The following MED13L variants were observed in gnomAD, a reference collection of about 807,000 sequenced individuals.
MED13L encodes the protein mediator of RNA polymerase II transcription subunit 13-like.
Under a neutral mutation model 220.9 loss-of-function variants are expected in MED13L, and 7 were observed. That is an observed-to-expected ratio of 0.03 (90% CI 0.02 to 0.06). The LOEUF (loss-of-function observed/expected upper bound fraction) is 0.06. Among genes scored for constraint, MED13L ranks in the 10% least tolerant of loss-of-function variants. MED13L has a pLI of 1.00. For missense variants in MED13L, 1,965 were observed against 2,760.5 expected, an observed-to-expected ratio of 0.71 and a Z score of 6.46; for synonymous variants, 1,011 against 1,015.2, an observed-to-expected ratio of 1.00 and a Z score of 0.08.
intron 4 of MED13L, among the ~76,000 whole-genome samples, chr12:116,055,279 A>G (rs1190002759): frequency 6.6e-6 from 1 of 152,242 alleles, no homozygotes; most frequent in African/African-American, 2.4e-5. Context: ...CTAAACACTT[A>G]TGATGTACAA....
intron 1 of MED13L, among the ~76,000 whole-genome samples, chr12:116,245,775 T>C (rs1358854336): frequency 6.6e-6 from 1 of 151,692 alleles, no homozygotes; most frequent in Admixed American, 6.6e-5. Context: ...AAGCTGAAAA[T>C]CCAAATACGA....
chr12:116,042,797 G>C (rs1237450329), intron 4 of MED13L, among the ~76,000 whole-genome samples: 1 of 152,176 alleles, frequency 6.6e-6, no homozygotes, highest in African/African-American at 2.4e-5. Flanking sequence ...TCTGACTGAA[G>C]TATTAGCCTA....
rs1472249993 is a variant in MED13L at position 116,022,559 on chromosome 12, T to C, written c.522A>G (p.Glu174=). The C allele has an allele frequency of 6.2e-7, 1 of 1,613,178 alleles. No homozygotes were observed. The highest frequency in any genetic ancestry group is 8.5e-7 in the Non-Finnish European group (1 of 1,179,642). The change falls in exon 5 of 31, where the codon GAA becomes GAG. Residue 174 remains glutamate (E), a synonymous_variant. Transcript: ENST00000281928. ...TCTCCACACTTGTGCATACATTACT[T>C]TCTCCATGCAGAAAGAATGTGAAAG... ...SCAFTFFLHG[E]SNVCTSVEIA... is the part of the protein sequence containing the mutation.
Position 115,996,463 on chromosome 12 carries a change from T to A in MED13L, c.2996+13A>T, listed in dbSNP as rs985444598. 3 of 1,604,648 alleles carry A rather than the reference T, an allele frequency of 1.9e-6. No homozygotes were observed. Among genetic ancestry groups the A allele is most frequent in the Non-Finnish European group, 2.6e-6 (3 of 1,171,494 alleles). On this transcript the variant is annotated intron_variant, in intron 16 of 30. Transcript: ENST00000281928. ...CAAATATGGCAAGTAAATGACACAATCCCTATACATACTTGTAGCCATCTC... is the reference window on the plus strand; with the variant it reads ...CAAATATGGCAAGTAAATGACACAAACCCTATACATACTTGTAGCCATCTC...
chr12:116,194,358 T>C (rs1043313599), intron 2 of MED13L, among the ~76,000 whole-genome samples: 3 of 151,956 alleles, frequency 2.0e-5, no homozygotes, highest in African/African-American at 7.3e-5. Flanking sequence ...AGAGACAGGG[T>C]TTCTCCATGT....
chr12:116,234,594 A>G (rs1869893801), intron 2 of MED13L, among the ~76,000 whole-genome samples: 1 of 152,080 alleles, frequency 6.6e-6, no homozygotes, highest in South Asian at 2.1e-4. Context: ...CTATTTAAAA[A>G]ATGTTACAAA....
At chr12:116,138,076 G>A (rs545500985) in intron 2 of MED13L, among the ~76,000 whole-genome samples, 5 of 151,752 alleles carry the variant, frequency 3.3e-5, no homozygotes, top group Admixed American at 6.6e-5. Flanking sequence ...GGCTGGTCTC[G>A]AACTCCTGAC....
chr12:116,168,058 T>C (rs1050797127), intron 2 of MED13L, among the ~76,000 whole-genome samples: 2 of 152,198 alleles, frequency 1.3e-5, no homozygotes, highest in Non-Finnish European at 2.9e-5. Context: ...TTTATTTTCA[T>C]AGATAGCTAA....
chr12:116,178,361 T>G (rs1457336983), intron 2 of MED13L, among the ~76,000 whole-genome samples: 1 of 152,228 alleles, frequency 6.6e-6, no homozygotes, highest in Non-Finnish European at 1.5e-5. Flanking sequence ...TTTCATAATT[T>G]GGAGGAGCCA....
At position 116,008,959 on chromosome 12, in the gene MED13L, A is replaced by G. The variant is rs1356240240; in HGVS notation, c.1454T>C (p.Ile485Thr). The G allele has an allele frequency of 1.2e-6, 2 of 1,613,988 alleles. No homozygotes were observed. The highest frequency in any genetic ancestry group is 3.3e-5 in the Admixed American group (2 of 59,992). ...KGDKLQKRPLIPFHHRPSVAE... is the reference protein window; with the variant it reads ...KGDKLQKRPLTPFHHRPSVAE... The stretch of plus-strand genomic sequence containing the variant: ...CACAGAGGGCCTATGGTGAAATGGT[A>G]TTAAGGGTCTCTTTTGCAGCTTGTC... Residue 485 changes from isoleucine (I) to threonine (T), a missense_variant, in exon 10 of 31, where the codon ATA (isoleucine) becomes ACA (threonine). Ile to Thr is a moderately conservative substitution (Grantham distance 89). Around this residue, in one of 10 missense-constraint regions of MED13L, gnomAD observed 818 missense variants for 1,041.2 expected, o/e 0.79. Coordinates refer to ENST00000281928, the MANE Select transcript of MED13L (RefSeq NM_015335.5).
intron 2 of MED13L, among the ~76,000 whole-genome samples, chr12:116,119,833 AAAAAAATAT>A (rs1180342911): frequency 2.6e-4 from 31 of 117,034 alleles, no homozygotes; most frequent in African/African-American, 9.1e-4. Context: ...AAAAAAAAAA[AAAAAAATAT>A]ATATATATAT....
At chr12:116,237,970 A>C (rs1209037147) in intron 1 of MED13L, among the ~76,000 whole-genome samples, 1 of 152,194 alleles carries the variant, frequency 6.6e-6, no homozygotes, top group African/African-American at 2.4e-5. Flanking sequence ...TGAATAATTT[A>C]ATTTGTCTAA....
At chr12:116,035,420 T>A (rs375750311) in intron 4 of MED13L, among the ~76,000 whole-genome samples, 23 of 152,284 alleles carry the variant, frequency 1.5e-4, no homozygotes, top group African/African-American at 5.3e-4. Flanking sequence ...ACAATTTCTA[T>A]AAAGAATGGT....
At chr12:116,090,129 C>T (rs1325865140) in intron 4 of MED13L, among the ~76,000 whole-genome samples, 1 of 152,198 alleles carries the variant, frequency 6.6e-6, no homozygotes, top group Non-Finnish European at 1.5e-5. Flanking sequence ...TTCCCTCATG[C>T]TACCAAAAGG....
chr12:116,078,329 T>C (rs1870974716), intron 4 of MED13L, among the ~76,000 whole-genome samples: 1 of 152,152 alleles, frequency 6.6e-6, no homozygotes, highest in Admixed American at 6.5e-5. Context: ...CATTTCTACA[T>C]ATAATTTAAT....
intron 2 of MED13L, among the ~76,000 whole-genome samples, chr12:116,210,801 T>C (rs989921667): frequency 1.3e-5 from 2 of 151,618 alleles, no homozygotes; most frequent in African/African-American, 2.4e-5. Flanking sequence ...TTAGGGAAAA[T>C]GTAAGTAGTA....
intron 4 of MED13L, among the ~76,000 whole-genome samples, chr12:116,090,941 AT>A (rs1291088075): frequency 6.6e-6 from 1 of 152,102 alleles, no homozygotes; most frequent in African/African-American, 2.4e-5. Flanking sequence ...CCTGGCCAAC[AT>A]GGTGAAATCC....
intron 2 of MED13L, among the ~76,000 whole-genome samples, chr12:116,198,657 T>G (rs561348569): frequency 1.2e-4 from 19 of 152,300 alleles, no homozygotes; most frequent in African/African-American, 4.3e-4. Context: ...AGTTTTATAA[T>G]TACATCTTTC....
chr12:115,988,714 A>C (rs1877863053), intron 17 of MED13L, among the ~76,000 whole-genome samples: 1 of 152,184 alleles, frequency 6.6e-6, no homozygotes, highest in African/African-American at 2.4e-5. Context: ...ATTCATTTAC[A>C]TTATCTGGTA....
Sources: allele counts gnomAD v4.1 joint callset (sites outside exome capture counted in the v4.1 genomes callset), GRCh38; gene constraint gnomAD v4.1.1; regional missense constraint gnomAD v4.1.1; transcripts MANE v1.5; gene names NCBI Gene and HGNC (gene_info 2026-07-23, HGNC 2026-07-21).